BBOX1: variants seen among roughly 807,000 people sequenced by gnomAD.
BBOX1 encodes the protein gamma-butyrobetaine dioxygenase.
Under a neutral mutation model 41.6 loss-of-function variants are expected in BBOX1, and 35 were observed. The observed-to-expected ratio is 0.84, with a 90% CI of 0.64 to 1.11. The LOEUF (loss-of-function observed/expected upper bound fraction) is 1.11. BBOX1 is among the 50% of genes most tolerant of loss of function. The pLI, the probability that BBOX1 is intolerant of heterozygous loss-of-function variation, is 0.00. For synonymous variants in BBOX1, 163 were observed against 154.7 expected, an observed-to-expected ratio of 1.05 and a Z score of -0.40; for missense variants, 458 against 460.6, an observed-to-expected ratio of 0.99 and a Z score of 0.05.
rs1251845631 is a variant in BBOX1 at position 27,093,188 on chromosome 11, G to A, written c.355G>A (p.Glu119Lys). ...CACAGAATGCCAATACTGGGGCTCA[G>A]AGCTCCAGCTACCCACTTTGGATTT... Reference protein sequence around the residue: ...FFPECQYWGSELQLPTLDFED... With the variant: ...FFPECQYWGSKLQLPTLDFED... Residue 119 changes from glutamate (E) to lysine (K), a missense_variant, in exon 5 of 9, where the codon GAG (glutamate) becomes AAG (lysine). Physicochemically the swap from Glu to Lys is moderately conservative, Grantham distance 56. Coordinates refer to ENST00000263182, the MANE Select transcript of BBOX1 (RefSeq NM_003986.3). 6.2e-7 allele frequency: 1 copy of A among 1,612,050 alleles called. No homozygotes were observed. The highest frequency in any genetic ancestry group is 2.2e-5 in the East Asian group (1 of 44,832).
chr11:27,093,532 AT>A (rs1858325900), intron 5 of BBOX1, among the ~76,000 whole-genome samples, 166 bp downstream of exon 5: 1 of 151,966 alleles, frequency 6.6e-6, no homozygotes, highest in Non-Finnish European at 1.5e-5. Context: ...GAGAATGATA[AT>A]TTTTTAAGAG....
chr11:27,089,080 T>C (rs1010185978), intron 4 of BBOX1, among the ~76,000 whole-genome samples: 1 of 152,012 alleles, frequency 6.6e-6, no homozygotes, highest in Non-Finnish European at 1.5e-5. Context: ...TAGCACCTGG[T>C]AAGAGGCTGG....
At position 27,059,729 on chromosome 11, in the gene BBOX1, C is replaced by T. The variant is rs1857083581; in HGVS notation, c.334+2414C>T. Among the ~76,000 whole-genome samples, 5 of 152,186 alleles carry T rather than the reference C, an allele frequency of 3.3e-5. No individual in the cohort carries two copies. The South Asian group carries it at 1.0e-3, about 32-fold the overall frequency. ...GTGTCCTGGAGGCAAGACATGGAGT[C>T]AAAGGAGATAATTTTGGAGCCTTAA... is the stretch of plus-strand genomic sequence containing the variant. On this transcript the variant is annotated intron_variant, in intron 4 of 8. Transcript: ENST00000263182.
chr11:27,048,550 A>G (rs1314070145), intron 2 of BBOX1, among the ~76,000 whole-genome samples: 1 of 151,780 alleles, frequency 6.6e-6, no homozygotes, highest in Non-Finnish European at 1.5e-5. Context: ...AGATAGATAG[A>G]TAGATAATAG....
intron 8 of BBOX1, among the ~76,000 whole-genome samples, chr11:27,126,733 T>A (rs994348092): frequency 4.7e-5 from 7 of 150,094 alleles, no homozygotes; most frequent in Admixed American, 2.0e-4. Context: ...TGGAGTACAG[T>A]GGCGTGATCT....
At chr11:27,122,895 G>A (rs978049308) in intron 7 of BBOX1, among the ~76,000 whole-genome samples, 4 of 151,938 alleles carry the variant, frequency 2.6e-5, no homozygotes, top group Admixed American at 6.6e-5. Context: ...TATGTATAGC[G>A]AATGTATAGC....
chr11:27,088,389 A>G (rs944287690), intron 4 of BBOX1, among the ~76,000 whole-genome samples: 5 of 152,110 alleles, frequency 3.3e-5, no homozygotes, highest in African/African-American at 7.2e-5. Context: ...ACTAAAGAAG[A>G]GAAGCTAGCT....
intron 7 of BBOX1, among the ~76,000 whole-genome samples, chr11:27,122,090 T>C (rs1859485015): frequency 6.6e-6 from 1 of 152,164 alleles, no homozygotes; most frequent in Non-Finnish European, 1.5e-5. Context: ...ATCTCCTAAG[T>C]GTTTGGGTTA....
Position 27,056,955 on chromosome 11 carries a change from A to G in BBOX1, c.220-246A>G, listed in dbSNP as rs112559123. 5.3e-3 allele frequency among the ~76,000 whole-genome samples: 793 copies of G among 149,612 alleles called. 9 individuals carry two copies. Among genetic ancestry groups the G allele is most frequent in the African/African-American group, 0.018 (744 of 40,816 alleles). ...GTGTCGCGTGCCTGTAATCCCAGCT[A>G]CTTGGGAGGCTGAGGCAGGGGAATC... On this transcript the variant is annotated intron_variant, in intron 3 of 8. Transcript: ENST00000263182.
intron 4 of BBOX1, among the ~76,000 whole-genome samples, chr11:27,091,121 T>A (rs1469591194): frequency 2.0e-5 from 3 of 152,026 alleles, no homozygotes; most frequent in Non-Finnish European, 4.4e-5. Flanking sequence ...ATTTGGGAAC[T>A]GATAAATGTC....
chr11:27,114,732 T>C (rs1426461389), intron 5 of BBOX1, among the ~76,000 whole-genome samples: 2 of 138,170 alleles, frequency 1.4e-5, no homozygotes, highest in African/African-American at 5.1e-5. Context: ...ACTCATATCA[T>C]ATGCAAAAAT....
intron 5 of BBOX1, among the ~76,000 whole-genome samples, chr11:27,098,261 G>C (rs182803211): frequency 6.6e-6 from 1 of 151,806 alleles, no homozygotes; most frequent in Non-Finnish European, 1.5e-5. Context: ...CCTCTGCAGC[G>C]CTACAGTAGA....
intron 5 of BBOX1, among the ~76,000 whole-genome samples, chr11:27,109,051 T>C (rs971233061): frequency 6.6e-6 from 1 of 152,118 alleles, no homozygotes; most frequent in Non-Finnish European, 1.5e-5. Context: ...GTATTTGTTG[T>C]ACTCTAAGAG....
chr11:27,051,124 GTTGTCATA>G (rs1239566872), intron 2 of BBOX1, among the ~76,000 whole-genome samples: 1 of 151,940 alleles, frequency 6.6e-6, no homozygotes, highest in East Asian at 1.9e-4. Context: ...CTGCTAATGT[GTTGTCATA>G]TTTACTGATT....
intron 5 of BBOX1, among the ~76,000 whole-genome samples, chr11:27,112,153 C>T (rs1013201639): frequency 7.2e-5 from 11 of 151,904 alleles, no homozygotes; most frequent in African/African-American, 2.4e-4. Context: ...GTCAAATTCC[C>T]TAGTTCTTCA....
chr11:27,050,820 CTTTCA>C (rs1851649673), intron 2 of BBOX1, among the ~76,000 whole-genome samples: 1 of 151,954 alleles, frequency 6.6e-6, no homozygotes, highest in Non-Finnish European at 1.5e-5. Context: ...ATTTGGATGC[CTTTCA>C]TTTCATCTTC....
intron 4 of BBOX1, among the ~76,000 whole-genome samples, chr11:27,057,757 G>A (rs769000680): frequency 6.6e-6 from 1 of 151,896 alleles, no homozygotes; most frequent in Admixed American, 6.6e-5. Context: ...CCCATGAAAC[G>A]GTACGCATAG....
rs376941503 is a variant in BBOX1 at position 27,055,404 on chromosome 11, C to A, written c.-27C>A. 8 of 1,601,326 alleles carry A rather than the reference C, an allele frequency of 5.0e-6. No individual in the cohort carries two copies. The highest frequency in any genetic ancestry group is 1.3e-5 in the African/African-American group (1 of 74,684). ...CTGATTTGTCATAGCAGGTAGCTGA[C>A]AGCATCTACTCCTGAAGACCGGAAA... is the stretch of plus-strand genomic sequence containing the variant. On this transcript the variant is annotated 5_prime_UTR_variant, in exon 3 of 9. Transcript: ENST00000263182.
intron 2 of BBOX1, among the ~76,000 whole-genome samples, chr11:27,043,678 G>A (rs933448506): frequency 1.3e-5 from 2 of 152,116 alleles, no homozygotes; most frequent in Admixed American, 1.3e-4. Context: ...CCACTTATGA[G>A]TGAGAACATG....
Sources: allele counts gnomAD v4.1 joint callset (sites outside exome capture counted in the v4.1 genomes callset), GRCh38; gene constraint gnomAD v4.1.1; transcripts MANE v1.5; gene names NCBI Gene and HGNC (gene_info 2026-07-23, HGNC 2026-07-21).